The following EPS8 variants were observed in gnomAD, a reference collection of about 807,000 sequenced individuals.
The protein encoded by EPS8 is EGFR pathway substrate 8, signaling adaptor.
EPS8 carries 42 observed loss-of-function variants against 103.8 expected under a neutral mutation model. That is an observed-to-expected ratio of 0.40 (90% CI 0.32 to 0.52). The LOEUF is 0.52. Among genes scored for constraint, EPS8 ranks in the 20% least tolerant of loss-of-function variants. The probability of loss-of-function intolerance (pLI) is 0.40; values close to 1 mark genes in which losing one functional copy is unlikely to be tolerated. For synonymous variants in EPS8, 344 were observed against 344.6 expected (o/e 1.00, Z 0.02); for missense variants, 969 against 1,005.1 (o/e 0.96, Z 0.49).
At position 15,760,661 on chromosome 12, in the gene EPS8, A is replaced by G. The variant is rs150393512; in HGVS notation, c.-22+28500T>C. On this transcript the variant is annotated intron_variant, in intron 1 of 20. Coordinates refer to ENST00000281172, the MANE Select transcript of EPS8 (RefSeq NM_004447.6). The surrounding 1 kb of genome is among the most constrained non-coding windows in gnomAD (Gnocchi z 4.5). ...TGGTTCAACATAAACAAATCCATCA[A>G]TGTGACACATCCCATCAACAGAATG... 0.015 allele frequency among the ~76,000 whole-genome samples: 2,283 copies of G among 152,210 alleles called. 66 individuals are homozygous for G. The highest frequency in any genetic ancestry group is 0.052 in the African/African-American group (2,166 of 41,554).
rs1406466708 is a variant in EPS8 at position 15,733,088 on chromosome 12, G to A, written c.-21-50116C>T. Among the ~76,000 whole-genome samples the A allele has an allele frequency of 6.6e-6, 1 of 152,074 alleles. No individual in the cohort carries two copies. Among genetic ancestry groups the A allele is most frequent in the African/African-American group, 2.4e-5 (1 of 41,408 alleles). On this transcript the variant is annotated intron_variant, in intron 1 of 20. Coordinates refer to ENST00000281172, the MANE Select transcript of EPS8 (RefSeq NM_004447.6). This position sits in a 1 kb window ranked among gnomAD's most constrained non-coding sequence, Gnocchi z 4.8. ...GCATTCCTCTCCCAAAACAGATACTGGAAAGAAATATAATGTATTCGTCCA... is the reference window on the plus strand; with the variant it reads ...GCATTCCTCTCCCAAAACAGATACTAGAAAGAAATATAATGTATTCGTCCA...
intron 1 of EPS8, among the ~76,000 whole-genome samples, chr12:15,739,536 ACTCTTCCATAGTCAGG>A (rs1374865414): frequency 2.0e-5 from 3 of 151,728 alleles, no homozygotes; most frequent in Non-Finnish European, 4.4e-5. Flanking sequence ...ATTTCTTCCC[ACTCTTCCATAGTCAGG>A]ACACCCTTCT....
chr12:15,744,116 C>A (rs1946851815), intron 1 of EPS8, among the ~76,000 whole-genome samples: 1 of 152,200 alleles, frequency 6.6e-6, no homozygotes, highest in Admixed American at 6.5e-5. Flanking sequence ...TGAACTGACA[C>A]TTCTCAAAAG....
chr12:15,786,473 A>T (rs1284624071), intron 1 of EPS8, among the ~76,000 whole-genome samples: 1 of 152,086 alleles, frequency 6.6e-6, no homozygotes, highest in African/African-American at 2.4e-5. Context: ...CTGGAACAGA[A>T]AAAGGACATT....
intron 1 of EPS8, among the ~76,000 whole-genome samples, chr12:15,730,484 G>A (rs2135991836): frequency 6.6e-6 from 1 of 152,230 alleles, no homozygotes; most frequent in East Asian, 1.9e-4. Context: ...CTAGGTACTT[G>A]AAGACAATTC....
At position 15,717,000 on chromosome 12, in the gene EPS8, C is replaced by A. The variant is rs1946539605; in HGVS notation, c.-21-34028G>T. 6.6e-6 allele frequency among the ~76,000 whole-genome samples: 1 copy of A among 152,160 alleles called. No individual in the cohort carries two copies. The highest frequency in any genetic ancestry group is 2.4e-5 in the African/African-American group (1 of 41,420). On this transcript the variant is annotated intron_variant, in intron 1 of 20. Coordinates refer to ENST00000281172, the MANE Select transcript of EPS8 (RefSeq NM_004447.6). The surrounding 1 kb of genome is among the most constrained non-coding windows in gnomAD (Gnocchi z 5.0). ...AGAGTAAGAAACCCAAAAGAAGTTT[C>A]TAAAGAAATACTCTAAACTACATAT...
intron 4 of EPS8, 88 bp downstream of exon 4, chr12:15,670,768 T>G (rs1945800689): frequency 1.1e-6 from 1 of 909,558 alleles, no homozygotes; most frequent in African/African-American, 1.7e-5. Context: ...ATCATAAGAA[T>G]GAAATAAAAC....
At chr12:15,773,826 T>C (rs1197894588) in intron 1 of EPS8, among the ~76,000 whole-genome samples, 1 of 152,168 alleles carries the variant, frequency 6.6e-6, no homozygotes, top group African/African-American at 2.4e-5. Flanking sequence ...GAAGTCAATG[T>C]CTGACCAAAC....
chr12:15,679,867 C>G (rs995607414), intron 3 of EPS8, among the ~76,000 whole-genome samples: 2 of 152,182 alleles, frequency 1.3e-5, no homozygotes, highest in African/African-American at 4.8e-5. Flanking sequence ...TAATAAATAT[C>G]TGTCTAGAAA....
chr12:15,779,812 A>G lies in EPS8; in HGVS notation c.-22+9349T>C, dbSNP rs149593846. The stretch of plus-strand genomic sequence containing the variant: ...AACTCTGATCTCTTATCAAGCACAT[A>G]ATTCATTTAACAAGTTATTTTTTAG... On this transcript the variant is annotated intron_variant, in intron 1 of 20. Transcript: ENST00000281172. The surrounding 1 kb of genome is among the most constrained non-coding windows in gnomAD (Gnocchi z 4.3). Among the ~76,000 whole-genome samples, 1 of 152,236 alleles carries G rather than the reference A, an allele frequency of 6.6e-6. No homozygotes were observed. The highest frequency in any genetic ancestry group is 2.4e-5 in the African/African-American group (1 of 41,532).
rs1160150741 is a variant in EPS8 at position 15,747,846 on chromosome 12, C to G, written c.-22+41315G>C. Reference sequence around the variant, plus strand: ...CCATCCTGGCTAACACGGTGAAACCCCGTCTCTACTAAAAATACAAAGAAT... The same window carrying G: ...CCATCCTGGCTAACACGGTGAAACCGCGTCTCTACTAAAAATACAAAGAAT... On this transcript the variant is annotated intron_variant, in intron 1 of 20. Coordinates refer to ENST00000281172, the MANE Select transcript of EPS8 (RefSeq NM_004447.6). The surrounding 1 kb of genome is among the most constrained non-coding windows in gnomAD (Gnocchi z 4.4). 6.6e-6 allele frequency among the ~76,000 whole-genome samples: 1 copy of G among 152,072 alleles called. No individual in the cohort carries two copies. The highest frequency in any genetic ancestry group is 1.5e-5 in the Non-Finnish European group (1 of 68,032).
At chr12:15,670,212 T>C (rs1056916964) in intron 4 of EPS8, among the ~76,000 whole-genome samples, 1 of 152,146 alleles carries the variant, frequency 6.6e-6, no homozygotes, top group African/African-American at 2.4e-5. Flanking sequence ...AGGCTATCTG[T>C]ATGGGAGCTT....
intron 11 of EPS8, 45 bp from the exon 12 acceptor site, chr12:15,658,198 C>A (rs749985990): frequency 7.4e-6 from 10 of 1,346,048 alleles, no homozygotes; most frequent in Middle Eastern, 3.6e-4. Flanking sequence ...TCAAGCAAGA[C>A]AGACACTCAG....
rs1947248359 is a variant in EPS8, at chr12:15,780,408, A to G, written c.-22+8753T>C. ...ATTCATTCTATGAGACTCAAACATC[A>G]CCTTCCCCAGTAAAGACTTTTCTGA... On this transcript the variant is annotated intron_variant, in intron 1 of 20. Transcript: ENST00000281172. The surrounding 1 kb of genome is among the most constrained non-coding windows in gnomAD (Gnocchi z 4.1). Among the ~76,000 whole-genome samples the G allele has an allele frequency of 6.7e-6, 1 of 148,432 alleles. No individual in the cohort carries two copies. Among genetic ancestry groups the G allele is most frequent in the Non-Finnish European group, 1.5e-5 (1 of 67,494 alleles).
rs1012546010 is a variant in EPS8 at position 15,751,044 on chromosome 12, C to T, written c.-22+38117G>A. The stretch of plus-strand genomic sequence containing the variant: ...CTCCTTGTCACAATAAGGACCAAAT[C>T]CTTAGTTCAGCATTCAAGAATCCAC... On this transcript the variant is annotated intron_variant, in intron 1 of 20. Coordinates refer to ENST00000281172, the MANE Select transcript of EPS8 (RefSeq NM_004447.6). This position sits in a 1 kb window ranked among gnomAD's most constrained non-coding sequence, Gnocchi z 4.3. 1.3e-5 allele frequency among the ~76,000 whole-genome samples: 2 copies of T among 152,104 alleles called. No homozygotes were observed. Among genetic ancestry groups the T allele is most frequent in the Non-Finnish European group, 2.9e-5 (2 of 68,024 alleles).
intron 13 of EPS8, among the ~76,000 whole-genome samples, chr12:15,652,930 T>C (rs1945440241): frequency 6.6e-6 from 1 of 152,158 alleles, no homozygotes; most frequent in Non-Finnish European, 1.5e-5. Flanking sequence ...TACTAAGTGA[T>C]TTATTCTAAG....
intron 9 of EPS8, among the ~76,000 whole-genome samples, chr12:15,661,626 ACTT>A (rs944158620): frequency 6.6e-6 from 1 of 152,210 alleles, no homozygotes; most frequent in Non-Finnish European, 1.5e-5. Context: ...TAAAAATGCC[ACTT>A]AACTTTTATC....
intron 8 of EPS8, among the ~76,000 whole-genome samples, chr12:15,664,165 A>C (rs1295698832): frequency 6.6e-6 from 1 of 151,482 alleles, no homozygotes; most frequent in Non-Finnish European, 1.5e-5. Flanking sequence ...AAAGTATAGA[A>C]TACAATAAAT....
rs1041210327 is a variant in EPS8 at position 15,778,458 on chromosome 12, G to T, written c.-22+10703C>A. 6.6e-6 allele frequency among the ~76,000 whole-genome samples: 1 copy of T among 152,068 alleles called. No homozygotes were observed. Among genetic ancestry groups the T allele is most frequent in the African/African-American group, 2.4e-5 (1 of 41,414 alleles). On this transcript the variant is annotated intron_variant, in intron 1 of 20. Coordinates refer to ENST00000281172, the MANE Select transcript of EPS8 (RefSeq NM_004447.6). This position sits in a 1 kb window ranked among gnomAD's most constrained non-coding sequence, Gnocchi z 4.5. Reference sequence around the variant, plus strand: ...CTACTGACAAAATTAATGTTCTCTCGACTAAAAGGATCTTGATGTGCAAAA... The same window carrying T: ...CTACTGACAAAATTAATGTTCTCTCTACTAAAAGGATCTTGATGTGCAAAA...
Sources: gnomAD v4.1 joint callset for allele counts (sites outside exome capture counted in the v4.1 genomes callset) on GRCh38, gnomAD v4.1.1 for gene constraint, Gnocchi (gnomAD v3.1) non-coding constraint, MANE v1.5 for transcripts, NCBI Gene and HGNC (gene_info 2026-07-23, HGNC 2026-07-21) for gene names.